The following PLXNC1 variants were observed in gnomAD, a reference collection of about 807,000 sequenced individuals.
The protein encoded by PLXNC1 is plexin-C1.
In PLXNC1, 75 loss-of-function variants were observed where a neutral mutation model predicts 178.2. The observed-to-expected ratio is 0.42, with a 90% CI of 0.35 to 0.51. PLXNC1 has a LOEUF of 0.51. Ranked by LOEUF, PLXNC1 falls within the 20% of genes least tolerant of loss-of-function variation. The pLI is 0.02. For missense variants in PLXNC1, 1,503 were observed against 1,984.4 expected (o/e 0.76, Z 4.61); for synonymous variants, 790 against 779.9 (o/e 1.01, Z -0.22).
intron 3 of PLXNC1, among the ~76,000 whole-genome samples, chr12:94,182,953 A>G (rs1309642568): frequency 6.6e-6 from 1 of 151,996 alleles, no homozygotes; most frequent in East Asian, 1.9e-4. Flanking sequence ...GCTGTGACAA[A>G]AACTCAACCC....
intron 1 of PLXNC1, among the ~76,000 whole-genome samples, chr12:94,151,232 T>C (rs2135914031): frequency 6.6e-6 from 1 of 152,260 alleles, no homozygotes; most frequent in East Asian, 1.9e-4. Context: ...CTCCCAGGTA[T>C]ATTAATATGT....
intron 7 of PLXNC1, 69 bp downstream of exon 7, chr12:94,224,384 A>G (rs1963882910): frequency 1.1e-6 from 1 of 912,558 alleles, no homozygotes. Context: ...TGACTCCTCG[A>G]TTTCCTAAAG....
rs926196537 is a variant in PLXNC1, at chr12:94,149,930, G to T, written c.959G>T (p.Arg320Leu). The change falls in exon 1 of 31, where the codon CGG becomes CTG. Residue 320 changes from arginine to leucine, a missense_variant. Physicochemically the swap from Arg to Leu is moderately radical, Grantham distance 102. Around this residue, in one of 4 missense-constraint regions of PLXNC1, gnomAD observed 615 missense variants for 698.6 expected, o/e 0.88. Coordinates refer to ENST00000258526, the MANE Select transcript of PLXNC1 (RefSeq NM_005761.3). ...FSAAAGEGQE[R>L]RSPTTTALCL... The stretch of plus-strand genomic sequence containing the variant: ...GCGGCCGCTGGAGAGGGCCAGGAGC[G>T]GCGCTCCCCCACCACCACGGCGCTC... The T allele has an allele frequency of 1.2e-5, 19 of 1,587,068 alleles. No homozygotes were observed. In the Admixed American group the frequency reaches 1.4e-4, roughly 12 times the overall value.
chr12:94,179,983 G>T (rs1962248029), intron 2 of PLXNC1, among the ~76,000 whole-genome samples: 1 of 152,094 alleles, frequency 6.6e-6, no homozygotes, highest in Non-Finnish European at 1.5e-5. Context: ...ATGGAGGCAG[G>T]ATGCAAACTC....
chr12:94,251,522 A>G lies in PLXNC1; in HGVS notation c.2875A>G (p.Ile959Val). ...IVLPVLLVIV[I>V]FAAVGVTRHK... ...GCTCCCTGTCTTGCTAGTGATTGTC[A>G]TTTTTGGTAAGTGCCCTGTTTAATT... is the stretch of plus-strand genomic sequence containing the variant. Residue 959 changes from isoleucine (I) to valine (V), a missense_variant, in exon 15 of 31, where the codon ATT becomes GTT. Around this residue, in one of 4 missense-constraint regions of PLXNC1, gnomAD observed 639 missense variants for 979.7 expected, o/e 0.65. Transcript: ENST00000258526. 6.3e-7 allele frequency: 1 copy of G among 1,595,972 alleles called. No homozygotes were observed. The highest frequency in any genetic ancestry group is 1.1e-5 in the South Asian group (1 of 90,700).
At chr12:94,194,387 T>C (rs1051541099) in intron 4 of PLXNC1, among the ~76,000 whole-genome samples, 11 of 152,184 alleles carry the variant, frequency 7.2e-5, no homozygotes, top group African/African-American at 2.7e-4. Context: ...CTGGGCTTTG[T>C]GTGACCTGCC....
chr12:94,163,171 C>T (rs1285601424), intron 1 of PLXNC1, among the ~76,000 whole-genome samples: 1 of 152,054 alleles, frequency 6.6e-6, no homozygotes, highest in East Asian at 1.9e-4. Context: ...CAAGACCAGC[C>T]TAGCCAACAT....
At chr12:94,188,792 C>A (rs772627280) in intron 4 of PLXNC1, among the ~76,000 whole-genome samples, 62 of 152,210 alleles carry the variant, frequency 4.1e-4, no homozygotes, top group Non-Finnish European at 5.1e-4. Flanking sequence ...GGGAGGCCAG[C>A]CTCAGACAGG....
chr12:94,181,082 A>G (rs1027860397), intron 2 of PLXNC1, among the ~76,000 whole-genome samples: 7 of 152,114 alleles, frequency 4.6e-5, no homozygotes, highest in African/African-American at 9.7e-5. Context: ...TTAAGCTACA[A>G]TTTTTGCCAC....
rs201801206 is a variant in PLXNC1, at chr12:94,282,133, G to A, written c.3776-165G>A. On this transcript the variant is annotated intron_variant, in intron 22 of 30. Transcript: ENST00000258526. ...TCAGAGCCCTAAACAAACAAACAAAGTAAAACAGAACTCAGAATTCAGGCT... is the reference window on the plus strand; with the variant it reads ...TCAGAGCCCTAAACAAACAAACAAAATAAAACAGAACTCAGAATTCAGGCT... The A allele has an allele frequency of 2.4e-3, 422 of 173,538 alleles. 1 individual carries two copies. In the African/African-American group the frequency reaches 0.033, roughly 13 times the overall value. The allele number at this position is 173,538 out of a possible 1,614,324, so 10.7% of individuals were successfully genotyped here. A position where few individuals can be genotyped will look rare whatever the true frequency, so the allele number is the denominator to read the frequency against.
chr12:94,168,819 T>C (rs556967876), intron 1 of PLXNC1, among the ~76,000 whole-genome samples: 2 of 152,358 alleles, frequency 1.3e-5, no homozygotes, highest in Non-Finnish European at 2.9e-5. Flanking sequence ...TAAGATAGTC[T>C]GCCTCCCAAT....
At position 94,298,601 on chromosome 12, in the gene PLXNC1, TC is replaced by T. The variant is rs770236981; in HGVS notation, c.4075-30del. On this transcript the variant is annotated intron_variant, in intron 26 of 30. Coordinates refer to ENST00000258526, the MANE Select transcript of PLXNC1 (RefSeq NM_005761.3). ...TCAAAACCACTACCACAGTTTTTAA[TC>T]TCCCAAATCTGATGTTGTCTATCTT... The T allele has an allele frequency of 8.4e-6, 13 of 1,543,706 alleles. No individual in the cohort carries two copies. The African/African-American group carries it at 1.8e-4, about 22-fold the overall frequency.
Position 94,173,398 on chromosome 12 carries a change from A to G in PLXNC1, c.1203+4105A>G, listed in dbSNP as rs752420676. ...AATATGCATGAAATTTGAAATTTGT[A>G]ACTTTATGCATGCCCATTAACCTTC... On this transcript the variant is annotated intron_variant, in intron 2 of 30. Transcript: ENST00000258526. Among the ~76,000 whole-genome samples the G allele has an allele frequency of 1.3e-5, 2 of 152,210 alleles. 1 individual carries two copies. The highest frequency in any genetic ancestry group is 4.1e-4 in the South Asian group (2 of 4,832).
chr12:94,170,129 T>G (rs552518106), intron 2 of PLXNC1, among the ~76,000 whole-genome samples: 51 of 152,294 alleles, frequency 3.3e-4, no homozygotes, highest in African/African-American at 1.1e-3. Context: ...TACTCTCAGC[T>G]CAGATTTTTA....
intron 28 of PLXNC1, among the ~76,000 whole-genome samples, chr12:94,302,217 C>T (rs906336634): frequency 2.0e-5 from 3 of 152,190 alleles, no homozygotes; most frequent in Non-Finnish European, 4.4e-5. Context: ...TTGCTGGCCT[C>T]GTTATTTTCT....
At chr12:94,230,653 C>G (rs1462102887) in intron 9 of PLXNC1, among the ~76,000 whole-genome samples, 1 of 152,232 alleles carries the variant, frequency 6.6e-6, no homozygotes, top group Non-Finnish European at 1.5e-5. Flanking sequence ...ACACTGCTGT[C>G]TTTCATTATC....
chr12:94,149,330 G>T lies in PLXNC1; in HGVS notation c.359G>T (p.Gly120Val). 6.9e-7 allele frequency: 1 copy of T among 1,440,988 alleles called. No individual in the cohort carries two copies. The highest frequency in any genetic ancestry group is 9.0e-7 in the Non-Finnish European group (1 of 1,106,770). The allele number at this position is 1,440,988 out of a possible 1,614,324, so 89.3% of individuals were successfully genotyped here. Reference protein sequence around the residue: ...LPYREGAAGLGGLLLTGWTFD... With the variant: ...LPYREGAAGLVGLLLTGWTFD... ...TACCGCGAGGGGGCGGCCGGCCTCGGGGGGCTGCTGCTCACCGGCTGGACC... is the reference window on the plus strand; with the variant it reads ...TACCGCGAGGGGGCGGCCGGCCTCGTGGGGCTGCTGCTCACCGGCTGGACC... The change falls in exon 1 of 31, where the codon GGG (glycine) becomes GTG (valine). Residue 120 changes from glycine to valine, a missense_variant. Around this residue, in one of 4 missense-constraint regions of PLXNC1, gnomAD observed 176 missense variants for 180.7 expected, o/e 0.97. Transcript: ENST00000258526.
chr12:94,238,799 T>G (rs898846491), intron 10 of PLXNC1, among the ~76,000 whole-genome samples: 2 of 152,182 alleles, frequency 1.3e-5, no homozygotes, highest in Non-Finnish European at 2.9e-5. Flanking sequence ...CTCATAGCAG[T>G]AAATTTGGAA....
intron 21 of PLXNC1, among the ~76,000 whole-genome samples, chr12:94,267,658 C>T (rs1336515509): frequency 6.6e-6 from 1 of 152,166 alleles, no homozygotes; most frequent in Non-Finnish European, 1.5e-5. Flanking sequence ...CCTGGCCCAG[C>T]CCCCCTTTCA....
Sources: gnomAD v4.1 joint callset for allele counts (sites outside exome capture counted in the v4.1 genomes callset) on GRCh38, gnomAD v4.1.1 for gene constraint, gnomAD v4.1.1 regional missense constraint, MANE v1.5 for transcripts, NCBI Gene and HGNC (gene_info 2026-07-23, HGNC 2026-07-21) for gene names.